Variants in CTNNA2 observed in about 807,000 individuals in gnomAD.
CTNNA2 encodes the protein catenin alpha 2, also known as catenin alpha-2.
CTNNA2 carries 42 observed loss-of-function variants against 101.0 expected under a neutral mutation model. The ratio of observed to expected loss-of-function variants is 0.42; its 90% CI spans 0.32 to 0.54. CTNNA2 has a LOEUF of 0.54. Among genes scored for constraint, CTNNA2 ranks in the 20% least tolerant of loss-of-function variants. The pLI is 0.14. For synonymous variants in CTNNA2, 450 were observed against 456.4 expected (o/e 0.99, Z 0.18); for missense variants, 871 against 1,223.1 (o/e 0.71, Z 4.29).
At chr2:80,298,684 G>A (rs1237646596) in intron 7 of CTNNA2, 1 of 152,214 alleles carries the variant, frequency 6.6e-6, no homozygotes, top group Admixed American at 6.5e-5. Flanking sequence ...CCTTCTTGAA[G>A]GCAGAGAGAA....
intron 6 of CTNNA2, among the ~76,000 whole-genome samples, chr2:79,893,224 C>G (rs558750014): frequency 6.6e-6 from 1 of 152,086 alleles, no homozygotes; most frequent in African/African-American, 2.4e-5. Flanking sequence ...TCCTTCAGCC[C>G]GTTTTCTCAC....
At position 79,698,755 on chromosome 2, in the gene CTNNA2, G is replaced by A. The variant is rs1684805479; in HGVS notation, c.103-45632G>A. Among the ~76,000 whole-genome samples, 3 of 152,066 alleles carry A rather than the reference G, an allele frequency of 2.0e-5. No homozygotes were observed. The South Asian group carries it at 6.2e-4, about 31-fold the overall frequency. On this transcript the variant is annotated intron_variant, in intron 2 of 18. Coordinates refer to ENST00000402739, the MANE Select transcript of CTNNA2 (RefSeq NM_001282597.3). ...TACATGTTGCATATGGGTGCATGGTGTTTATGTGATCTTGAGATAAATGTA... is the reference window on the plus strand; with the variant it reads ...TACATGTTGCATATGGGTGCATGGTATTTATGTGATCTTGAGATAAATGTA...
chr2:79,570,479 A>G (rs560163313), intron 1 of CTNNA2, among the ~76,000 whole-genome samples: 1 of 152,280 alleles, frequency 6.6e-6, no homozygotes, highest in East Asian at 1.9e-4. Flanking sequence ...TCCAATTTAG[A>G]TAAGGGAATT....
At chr2:79,775,702 G>A (rs1449151666) in intron 3 of CTNNA2, among the ~76,000 whole-genome samples, 1 of 152,094 alleles carries the variant, frequency 6.6e-6, no homozygotes, top group Non-Finnish European at 1.5e-5. Context: ...ATTTTTTTAT[G>A]TTTTCGAAAC....
At chr2:80,023,417 A>G (rs1268102661) in intron 7 of CTNNA2, among the ~76,000 whole-genome samples, 3 of 152,024 alleles carry the variant, frequency 2.0e-5, no homozygotes, top group Non-Finnish European at 4.4e-5. Flanking sequence ...TGAAGTTTCT[A>G]CTGACCAAGG....
intron 3 of CTNNA2, among the ~76,000 whole-genome samples, chr2:79,759,493 T>G (rs2105076103): frequency 6.6e-6 from 1 of 152,360 alleles, no homozygotes; most frequent in Admixed American, 6.5e-5. Context: ...AAGCTTGCTC[T>G]GCTTTGAGTC....
intron 7 of CTNNA2, among the ~76,000 whole-genome samples, chr2:80,116,728 A>G (rs1196502402): frequency 1.3e-5 from 2 of 152,178 alleles, no homozygotes. Context: ...CTGGAAGAAC[A>G]GGCTCAGGGA....
chr2:79,831,022 T>G (rs769601294), intron 3 of CTNNA2, among the ~76,000 whole-genome samples: 8 of 152,308 alleles, frequency 5.3e-5, no homozygotes, highest in Middle Eastern at 3.4e-3. Context: ...ACATTGCCAT[T>G]CTTGTCCCCA....
intron 3 of CTNNA2, among the ~76,000 whole-genome samples, chr2:79,848,762 C>T (rs548939978): frequency 1.4e-4 from 21 of 152,242 alleles, no homozygotes; most frequent in African/African-American, 5.1e-4. Flanking sequence ...AATTATGTAC[C>T]TTGGGAAAGA....
At chr2:80,589,992 A>T (rs1464243207) in intron 15 of CTNNA2, among the ~76,000 whole-genome samples, 1 of 152,172 alleles carries the variant, frequency 6.6e-6, no homozygotes, top group Non-Finnish European at 1.5e-5. Flanking sequence ...ATTCTTACAT[A>T]TTAAGAATCA....
chr2:79,270,830 T>C (rs1675065202), intron 2 of CTNNA2, among the ~76,000 whole-genome samples: 2 of 151,854 alleles, frequency 1.3e-5, no homozygotes, highest in East Asian at 1.9e-4. Flanking sequence ...TTAAGGGGGT[T>C]TTCCATCTCA....
chr2:80,355,232 A>G (rs1027679347), intron 7 of CTNNA2, among the ~76,000 whole-genome samples: 1 of 152,130 alleles, frequency 6.6e-6, no homozygotes, highest in Non-Finnish European at 1.5e-5. Context: ...AAAAAGCAAA[A>G]ATGTTGACTT....
chr2:79,911,889 A>T (rs1685824424), intron 7 of CTNNA2, among the ~76,000 whole-genome samples: 1 of 152,180 alleles, frequency 6.6e-6, no homozygotes, highest in Non-Finnish European at 1.5e-5. Flanking sequence ...TGTCCAGTGC[A>T]CTCATTTCTC....
At chr2:80,053,896 A>T (rs1697043585) in intron 7 of CTNNA2, among the ~76,000 whole-genome samples, 3 of 152,244 alleles carry the variant, frequency 2.0e-5, no homozygotes, top group East Asian at 1.9e-4. Flanking sequence ...ATGCATCTTC[A>T]TACGTACGTT....
chr2:80,308,988 C>A (rs1368526349), intron 7 of CTNNA2, among the ~76,000 whole-genome samples: 1 of 151,980 alleles, frequency 6.6e-6, no homozygotes, highest in Non-Finnish European at 1.5e-5. Flanking sequence ...ACTCAGGAGG[C>A]TGAGGCAGGA....
intron 4 of CTNNA2, among the ~76,000 whole-genome samples, chr2:79,490,790 T>C (rs1179457592): frequency 6.6e-6 from 1 of 152,180 alleles, no homozygotes; most frequent in African/African-American, 2.4e-5. Context: ...TCTTGAGAAA[T>C]GTTATGATCC....
At chr2:80,461,401 A>G (rs1397453158) in intron 9 of CTNNA2, among the ~76,000 whole-genome samples, 1 of 152,072 alleles carries the variant, frequency 6.6e-6, no homozygotes, top group East Asian at 1.9e-4. Flanking sequence ...CTCCTTAGCT[A>G]TAAATTGCCG....
At chr2:79,487,674 G>T (rs902348728) in intron 4 of CTNNA2, among the ~76,000 whole-genome samples, 1 of 152,086 alleles carries the variant, frequency 6.6e-6, no homozygotes, top group African/African-American at 2.4e-5. Context: ...CATTTAACAC[G>T]ATCAGCTCAT....
rs147776551 is a variant in CTNNA2 at position 80,625,484 on chromosome 2, CT to C, written c.2574+6258del. Among the ~76,000 whole-genome samples, 522 of 152,106 alleles carry C rather than the reference CT, an allele frequency of 3.4e-3. 4 individuals are homozygous for C. The highest frequency in any genetic ancestry group is 0.012 in the African/African-American group (482 of 41,510). On this transcript the variant is annotated intron_variant, in intron 18 of 18. Coordinates refer to ENST00000402739, the MANE Select transcript of CTNNA2 (RefSeq NM_001282597.3). ...AGTCAGTGTTTGGTACACACTAGTG[CT>C]TCAGGAAGACTTCTTTGATATTCTC...
Sources: gnomAD v4.1 joint callset for allele counts (sites outside exome capture counted in the v4.1 genomes callset) on GRCh38, gnomAD v4.1.1 for gene constraint, MANE v1.5 for transcripts, NCBI Gene and HGNC (gene_info 2026-07-23, HGNC 2026-07-21) for gene names.